Variants in UTP4 observed in about 807,000 individuals in gnomAD.
The protein encoded by UTP4 is U3 small nucleolar RNA-associated protein 4 homolog.
Under a neutral mutation model 82.4 loss-of-function variants are expected in UTP4, and 45 were observed. That is an observed-to-expected ratio of 0.55 (90% CI 0.43 to 0.70). UTP4 has a LOEUF of 0.70. UTP4 is among the 30% of genes least tolerant of loss of function. The pLI, the probability that UTP4 is intolerant of heterozygous loss-of-function variation, is 0.00. For synonymous variants in UTP4, 348 were observed against 300.3 expected, an observed-to-expected ratio of 1.16 and a Z score of -1.64; for missense variants, 819 against 858.3, an observed-to-expected ratio of 0.95 and a Z score of 0.57.
In UTP4 at chr16:69,136,825, ATGGATGCCTT is replaced by A. The variant is rs765729605; in HGVS notation, c.294_303del (p.Asp98GlufsTer25). 1 of 1,614,196 alleles carries A rather than the reference ATGGATGCCTT, an allele frequency of 6.2e-7. No individual in the cohort carries two copies. Among genetic ancestry groups the A allele is most frequent in the Non-Finnish European group, 8.5e-7 (1 of 1,180,032 alleles). ...ACAGGCGTTAAACATCAAGTATGCT[ATGGATGCCTT>A]TGGAGGACCTATTTGGAGCATGGCT... On this transcript the variant is annotated frameshift_variant, in exon 3 of 17. Coordinates refer to ENST00000314423, the MANE Select transcript of UTP4 (RefSeq NM_032830.3). LOFTEE classifies it high-confidence loss of function.
At chr16:69,159,796 C>T (rs1963517482) in intron 12 of UTP4, among the ~76,000 whole-genome samples, 1 of 151,028 alleles carries the variant, frequency 6.6e-6, no homozygotes, top group Admixed American at 6.6e-5. Context: ...AAGACCAGCC[C>T]AGCCAACATG....
At chr16:69,154,531 G>A in intron 10 of UTP4, 74 bp downstream of exon 10, 1 of 1,130,018 alleles carries the variant, frequency 8.8e-7, no homozygotes, top group Non-Finnish European at 1.3e-6. Flanking sequence ...TGAATTTTGA[G>A]GTTACTTAGT....
At chr16:69,161,038 A>G (rs754734616) in intron 13 of UTP4, among the ~76,000 whole-genome samples, 1 of 152,226 alleles carries the variant, frequency 6.6e-6, no homozygotes, top group African/African-American at 2.4e-5. Context: ...TTTGAAATTA[A>G]TGATCTGTGG....
chr16:69,141,197 G>C (rs867998976), intron 5 of UTP4, among the ~76,000 whole-genome samples: 2 of 152,084 alleles, frequency 1.3e-5, no homozygotes, highest in Non-Finnish European at 2.9e-5. Flanking sequence ...TAGCCACTCT[G>C]GGCCTGCTGC....
At chr16:69,168,034 A>G (rs899160641) in intron 16 of UTP4, among the ~76,000 whole-genome samples, 1 of 151,948 alleles carries the variant, frequency 6.6e-6, no homozygotes, top group African/African-American at 2.4e-5. Context: ...CTTAGGCTTT[A>G]AAGTCCTTGC....
Position 69,162,745 on chromosome 16 carries a change from C to T in UTP4, c.1552-338C>T, listed in dbSNP as rs542663420. Among the ~76,000 whole-genome samples, 183 of 147,942 alleles carry T rather than the reference C, an allele frequency of 1.2e-3. 2 individuals are homozygous for T. The highest frequency in any genetic ancestry group is 7.3e-3 in the Middle Eastern group (2 of 274). ...AAAAAAAGAAAAACAAAAAATTAGC[C>T]GGGTGTGGTGGTAGGCGCCTGTAAT... On this transcript the variant is annotated intron_variant, in intron 13 of 16. Coordinates refer to ENST00000314423, the MANE Select transcript of UTP4 (RefSeq NM_032830.3).
Position 69,153,699 on chromosome 16 carries a change from T to G in UTP4, c.1099+19T>G. The G allele has an allele frequency of 6.5e-7, 1 of 1,545,234 alleles. No homozygotes were observed. Among genetic ancestry groups the G allele is most frequent in the Non-Finnish European group, 8.9e-7 (1 of 1,119,668 alleles). On this transcript the variant is annotated intron_variant, in intron 9 of 16. Coordinates refer to ENST00000314423, the MANE Select transcript of UTP4 (RefSeq NM_032830.3). ...GCAACAGGTAAGATGGGAGCACGTT[T>G]TTTTCAATAAGAAAACTGGAGAGAG... is the stretch of plus-strand genomic sequence containing the variant.
intron 16 of UTP4, 35 bp downstream of exon 16, chr16:69,167,220 G>T: frequency 7.3e-7 from 1 of 1,373,016 alleles, no homozygotes; most frequent in Non-Finnish European, 1.0e-6. Flanking sequence ...TGGATAGTTG[G>T]TTCCTTTGTG....
rs1270926806 is a variant in UTP4 at position 69,136,681 on chromosome 16, A to G, written c.160-15A>G. On this transcript the variant is annotated splice_polypyrimidine_tract_variant and intron_variant, in intron 2 of 16. Transcript: ENST00000314423. Reference sequence around the variant, plus strand: ...GAATTTGTGGTAATGTTGAGAAGTTATGGTGTTTCTGCAGTTTTTCCCAGG... The same window carrying G: ...GAATTTGTGGTAATGTTGAGAAGTTGTGGTGTTTCTGCAGTTTTTCCCAGG... 2 of 1,613,708 alleles carry G rather than the reference A, an allele frequency of 1.2e-6. No individual in the cohort carries two copies. The highest frequency in any genetic ancestry group is 2.7e-5 in the African/African-American group (2 of 75,018).
intron 12 of UTP4, among the ~76,000 whole-genome samples, chr16:69,157,829 T>A (rs1164125952): frequency 6.8e-6 from 1 of 148,140 alleles, no homozygotes; most frequent in Non-Finnish European, 1.5e-5. Flanking sequence ...ACTCCTGGGG[T>A]CAAGTGATCC....
chr16:69,150,444 C>A, intron 6 of UTP4, 93 bp from the exon 7 acceptor site: 1 of 1,368,196 alleles, frequency 7.3e-7, no homozygotes, highest in Non-Finnish European at 1.0e-6. Context: ...CATAGGTTTA[C>A]CCCTAAGCTG....
chr16:69,139,570 C>T (rs1962901008), intron 4 of UTP4: 2 of 158,590 alleles, frequency 1.3e-5, no homozygotes, highest in East Asian at 3.6e-4. Flanking sequence ...ACCTGGGAGG[C>T]GGAGGTTGCA....
intron 14 of UTP4, among the ~76,000 whole-genome samples, chr16:69,163,879 A>ATT (rs1963627461): frequency 1.5e-5 from 2 of 134,532 alleles, no homozygotes; most frequent in African/African-American, 6.0e-5. Flanking sequence ...TTTGATGGTC[A>ATT]GTTTGTTTTT....
At chr16:69,166,358 G>T (rs1963702952) in intron 15 of UTP4, 1 of 153,056 alleles carries the variant, frequency 6.5e-6, no homozygotes, top group African/African-American at 2.4e-5. Flanking sequence ...CGACCTCTGG[G>T]TGTGGGAAGC....
At chr16:69,138,182 A>G (rs1328222325) in intron 4 of UTP4, among the ~76,000 whole-genome samples, 2 of 151,726 alleles carry the variant, frequency 1.3e-5, no homozygotes, top group Non-Finnish European at 2.9e-5. Context: ...TAACAAGCGT[A>G]CATGAAGTCT....
chr16:69,135,983 G>A (rs1026542186), intron 2 of UTP4, among the ~76,000 whole-genome samples: 3 of 152,142 alleles, frequency 2.0e-5, no homozygotes, highest in African/African-American at 7.2e-5. Context: ...GAGCTGAGAT[G>A]GCGCCATTGC....
chr16:69,163,064 G>T lies in UTP4; in HGVS notation c.1552-19G>T. ...AGTGTCACTTAGAGTTGCCACTTGT[G>T]TCTGTTATTTGTTCCCAGCTTCACT... is the stretch of plus-strand genomic sequence containing the variant. On this transcript the variant is annotated intron_variant, in intron 13 of 16. Transcript: ENST00000314423. 1 of 1,598,616 alleles carries T rather than the reference G, an allele frequency of 6.3e-7. No homozygotes were observed.
At chr16:69,145,003 G>A (rs1267224937) in intron 6 of UTP4, among the ~76,000 whole-genome samples, 1 of 151,938 alleles carries the variant, frequency 6.6e-6, no homozygotes, top group East Asian at 1.9e-4. Flanking sequence ...TTAGCTGGGC[G>A]TGGTGGTGGG....
intron 12 of UTP4, among the ~76,000 whole-genome samples, chr16:69,159,252 T>G (rs1597150177): frequency 6.6e-6 from 1 of 151,964 alleles, no homozygotes; most frequent in East Asian, 1.9e-4. Flanking sequence ...ATTTTTTTTT[T>G]GTACTCTTAG....
Sources: allele counts gnomAD v4.1 joint callset (sites outside exome capture counted in the v4.1 genomes callset), GRCh38; gene constraint gnomAD v4.1.1; transcripts MANE v1.5; gene names NCBI Gene and HGNC (gene_info 2026-07-23, HGNC 2026-07-21).